BFSP1: variants seen among roughly 807,000 people sequenced by gnomAD.
The protein encoded by BFSP1 is beaded filament structural protein 1.
Under a neutral mutation model 43.9 loss-of-function variants are expected in BFSP1, and 38 were observed. The observed-to-expected ratio is 0.87, with a 90% CI of 0.67 to 1.14. BFSP1 has a LOEUF of 1.14. Ranked by LOEUF, BFSP1 falls within the 50% of genes most tolerant of loss-of-function variation. BFSP1 has a pLI of 0.00. For missense variants in BFSP1, 850 were observed against 875.1 expected (o/e 0.97, Z 0.36); for synonymous variants, 352 against 354.8 (o/e 0.99, Z 0.09).
intron 1 of BFSP1, among the ~76,000 whole-genome samples, chr20:17,526,026 G>A (rs894223436): frequency 2.0e-5 from 3 of 150,092 alleles, no homozygotes; most frequent in Non-Finnish European, 4.4e-5. Flanking sequence ...CCCAAATACT[G>A]TACAGTATCA....
intron 1 of BFSP1, among the ~76,000 whole-genome samples, chr20:17,528,467 G>T (rs899300501): frequency 6.6e-6 from 1 of 152,176 alleles, no homozygotes; most frequent in African/African-American, 2.4e-5. Context: ...CCATCAAGCT[G>T]CCCCGGATGT....
chr20:17,546,892 C>G (rs1250827743), intron 1 of BFSP1, among the ~76,000 whole-genome samples: 1 of 150,790 alleles, frequency 6.6e-6, no homozygotes, highest in Non-Finnish European at 1.5e-5. Context: ...GGTGTGGTGG[C>G]AGGTACCTGT....
chr20:17,542,666 T>C (rs2034738122), intron 1 of BFSP1, among the ~76,000 whole-genome samples: 1 of 152,166 alleles, frequency 6.6e-6, no homozygotes, highest in Non-Finnish European at 1.5e-5. Flanking sequence ...TAATACCATA[T>C]CTCTGGTGAT....
At chr20:17,504,499 T>G (rs2033883285) in intron 5 of BFSP1, among the ~76,000 whole-genome samples, 1 of 151,920 alleles carries the variant, frequency 6.6e-6, no homozygotes, top group Admixed American at 6.6e-5. Context: ...AAGGCCGCAG[T>G]CCAGCAGGGG....
intron 1 of BFSP1, chr20:17,541,346 T>C (rs1234766081): frequency 1.1e-5 from 9 of 805,220 alleles, no homozygotes; most frequent in Non-Finnish European, 1.4e-5. Flanking sequence ...CAAGGGATCT[T>C]ACCAGCAGTT....
intron 1 of BFSP1, among the ~76,000 whole-genome samples, chr20:17,546,361 G>A (rs769627446): frequency 1.3e-5 from 2 of 152,102 alleles, no homozygotes; most frequent in African/African-American, 2.4e-5. Flanking sequence ...ATCCAATCAC[G>A]TGGGGATTAC....
chr20:17,539,898 G>T (rs2034689264), intron 1 of BFSP1, among the ~76,000 whole-genome samples: 1 of 152,150 alleles, frequency 6.6e-6, no homozygotes, highest in Admixed American at 6.5e-5. Flanking sequence ...ATCTTCCAAA[G>T]TTCACTAGCT....
upstream of BFSP1, among the ~76,000 whole-genome samples, chr20:17,534,836 TG>T (rs1486131527): frequency 1.3e-5 from 2 of 151,956 alleles, no homozygotes; most frequent in Admixed American, 1.3e-4. Context: ...CTGGCCAACA[TG>T]GTGAAACCCC....
chr20:17,524,754 T>C, intron 2 of BFSP1, 94 bp downstream of exon 2: 1 of 1,379,896 alleles, frequency 7.2e-7, no homozygotes, highest in Non-Finnish European at 1.0e-6. Context: ...ACCGCCAAAG[T>C]AACACAAAGA....
intron 5 of BFSP1, among the ~76,000 whole-genome samples, chr20:17,505,047 C>A (rs1326996452): frequency 6.6e-6 from 1 of 152,128 alleles, no homozygotes; most frequent in Non-Finnish European, 1.5e-5. Flanking sequence ...GCGGTTCCCA[C>A]TTTGCAATTT....
intron 4 of BFSP1, among the ~76,000 whole-genome samples, chr20:17,511,147 CA>C (rs1166660480): frequency 1.3e-5 from 2 of 152,082 alleles, no homozygotes; most frequent in African/African-American, 4.8e-5. Context: ...CTATGCATCA[CA>C]AAATTCCATA....
At chr20:17,529,395 T>A (rs562280426) in intron 1 of BFSP1, among the ~76,000 whole-genome samples, 5 of 152,300 alleles carry the variant, frequency 3.3e-5, no homozygotes, top group South Asian at 4.1e-4. Context: ...ATAATTTTTT[T>A]AAAGATATAA....
intron 6 of BFSP1, 140 bp from the exon 7 acceptor site, chr20:17,497,163 C>A: frequency 1.7e-6 from 1 of 577,160 alleles, no homozygotes. Flanking sequence ...AAACAGACAG[C>A]CATACACACA....
At position 17,567,004 on chromosome 20, in the gene BFSP1, T is replaced by C. The variant is rs369354813; in HGVS notation, n.50+2167A>G. Among the ~76,000 whole-genome samples, 3 of 152,192 alleles carry C rather than the reference T, an allele frequency of 2.0e-5. No individual in the cohort carries two copies. In the South Asian group the frequency reaches 6.2e-4, roughly 32 times the overall value. On this transcript the variant is annotated intron_variant and non_coding_transcript_variant, in intron 1 of 6. Coordinates refer to the BFSP1 transcript ENST00000473415. ...CCTATTAAAGGGGGCTCTGCTCTCA[T>C]GGCCTAATCGCTGTCCAAAGGCCCC...
chr20:17,564,097 C>G (rs572598264), intron 1 of BFSP1, among the ~76,000 whole-genome samples: 5 of 151,764 alleles, frequency 3.3e-5, no homozygotes, highest in Non-Finnish European at 5.9e-5. Flanking sequence ...CTTTGGGAGG[C>G]GGAGGCAGGA....
chr20:17,548,180 C>CA (rs11470598), intron 1 of BFSP1, among the ~76,000 whole-genome samples: 37,741 of 118,206 alleles, frequency 0.32, 6,392 homozygotes, highest in East Asian at 0.49. Flanking sequence ...GAAAATAATG[C>CA]AAAAAAAAAA....
chr20:17,509,776 A>G (rs571750386), intron 4 of BFSP1, among the ~76,000 whole-genome samples: 1 of 152,292 alleles, frequency 6.6e-6, no homozygotes, highest in East Asian at 1.9e-4. Context: ...GCTCCAGGGA[A>G]TGGCTAGAAG....
At chr20:17,533,918 G>A (rs532133207), upstream of BFSP1, among the ~76,000 whole-genome samples, 7 of 152,342 alleles carry the variant, frequency 4.6e-5, no homozygotes, top group East Asian at 1.3e-3. Flanking sequence ...CAGGGTGCAG[G>A]AGGCGAATCC....
Position 17,496,901 on chromosome 20 carries a change from CA to C in BFSP1, c.1042+36del, listed in dbSNP as rs1321518601. 6 of 1,462,130 alleles carry C rather than the reference CA, an allele frequency of 4.1e-6. No individual in the cohort carries two copies. The South Asian group carries it at 8.1e-5, about 20-fold the overall frequency. 90.6% of individuals were successfully genotyped at this position (1,462,130 alleles called of 1,614,324 possible). A position where few individuals can be genotyped will look rare whatever the true frequency, so the allele number is the denominator to read the frequency against. ...GAGAGCCGCTTGGTTTTTTTCAAGA[CA>C]GAAAAAAACAGAAGTCCAGTGTTGG... On this transcript the variant is annotated intron_variant, in intron 7 of 7. Coordinates refer to ENST00000377873, the MANE Select transcript of BFSP1 (RefSeq NM_001195.5).
Sources: gnomAD v4.1 joint callset for allele counts (sites outside exome capture counted in the v4.1 genomes callset) on GRCh38, gnomAD v4.1.1 for gene constraint, MANE v1.5 for transcripts, NCBI Gene and HGNC (gene_info 2026-07-23, HGNC 2026-07-21) for gene names.